The following CYTH2 variants were observed in gnomAD, a reference collection of about 807,000 sequenced individuals.
CYTH2 encodes the protein cytohesin 2.
In CYTH2, 24 loss-of-function variants were observed where a neutral mutation model predicts 55.4. The observed-to-expected ratio is 0.43, with a 90% CI of 0.31 to 0.61. The LOEUF (loss-of-function observed/expected upper bound fraction) is 0.61, where lower values mean the gene tolerates loss of function less well. Among genes scored for constraint, CYTH2 ranks in the 20% least tolerant of loss-of-function variants. CYTH2 has a pLI of 0.08. For missense variants in CYTH2, 378 were observed against 533.5 expected, an observed-to-expected ratio of 0.71 and a Z score of 2.87; for synonymous variants, 221 against 209.6, an observed-to-expected ratio of 1.05 and a Z score of -0.47.
At chr19:48,478,031 T>C (rs1971954313) in intron 8 of CYTH2, 38 bp from the exon 9 acceptor site, 2 of 1,566,694 alleles carry the variant, frequency 1.3e-6, no homozygotes, top group Middle Eastern at 3.4e-4. Context: ...CCTGTCCCCC[T>C]GTTGAGCCCA....
chr19:48,478,224 G>C, intron 9 of CYTH2, 51 bp from the exon 10 acceptor site: 1 of 1,612,608 alleles, frequency 6.2e-7, no homozygotes, highest in Non-Finnish European at 8.5e-7. Flanking sequence ...GAGGGAGGTG[G>C]GGTGGGGTGA....
At chr19:48,477,871 C>A (rs1294945648) in intron 8 of CYTH2, 198 bp from the exon 9 acceptor site, 7 of 567,882 alleles carry the variant, frequency 1.2e-5, no homozygotes, top group Non-Finnish European at 2.2e-5. Flanking sequence ...AATGTGGAGC[C>A]CCAAGCTGGG....
At position 48,481,491 on chromosome 19, in the gene CYTH2, G is replaced by GTT. The variant is rs35979886; in HGVS notation, c.*2291_*2292dup. 2,492 of 167,018 alleles carry GTT rather than the reference G, an allele frequency of 0.015. 6 individuals are homozygous for GTT. Among genetic ancestry groups the GTT allele is most frequent in the South Asian group, 0.035 (302 of 8,624 alleles). The allele number at this position is 167,018 out of a possible 1,614,324, so 10.3% of individuals were successfully genotyped here. A position where few individuals can be genotyped will look rare whatever the true frequency, so the allele number is the denominator to read the frequency against. ...AGCACGCTTCTGATTTTTTTTGTAGGTTTTTTTTTTTGTTTTTTGTTTTGT... is the reference window on the plus strand; with the variant it reads ...AGCACGCTTCTGATTTTTTTTGTAGGTTTTTTTTTTTTTGTTTTTTGTTTTGT... On this transcript the variant is annotated 3_prime_UTR_variant, in exon 12 of 12. Transcript: ENST00000452733.
chr19:48,469,388 G>T lies in CYTH2; in HGVS notation c.-120G>T. The T allele has an allele frequency of 8.6e-7, 1 of 1,162,308 alleles. No homozygotes were observed. The highest frequency in any genetic ancestry group is 2.8e-5 in the South Asian group (1 of 35,448). 72.0% of individuals were successfully genotyped at this position (1,162,308 alleles called of 1,614,324 possible). On this transcript the variant is annotated 5_prime_UTR_variant, in exon 1 of 12. Coordinates refer to ENST00000452733, the MANE Select transcript of CYTH2 (RefSeq NM_004228.7). ...CTTTTCAGCGCTGAGGACTGGCGCT[G>T]AGGAGGCGGCGGTGGCTCCCGGGGC...
rs1464208197 is a variant in CYTH2 at position 48,474,925 on chromosome 19, C to A, written c.784C>A (p.Arg262=). 1 of 1,614,190 alleles carries A rather than the reference C, an allele frequency of 6.2e-7. No homozygotes were observed. Among genetic ancestry groups the A allele is most frequent in the Admixed American group, 1.7e-5 (1 of 60,020 alleles). Residue 262 remains arginine, a synonymous_variant, in exon 8 of 12, where the codon CGG becomes AGG. Coordinates refer to ENST00000452733, the MANE Select transcript of CYTH2 (RefSeq NM_004228.7). The surrounding 1 kb of genome is among the most constrained non-coding windows in gnomAD (Gnocchi z 4.9). ...GACCCACACCTTCTTCAACCCGGAC[C>A]GGGAGGGCTGGCTCCTGAAGCTGGG... is the stretch of plus-strand genomic sequence containing the variant. ...DLTHTFFNPD[R]EGWLLKLGGR...
chr19:48,473,271 GTA>G (rs1187515184), intron 4 of CYTH2, 25 bp from the exon 5 acceptor site: 1 of 1,613,062 alleles, frequency 6.2e-7, no homozygotes, highest in South Asian at 1.1e-5. Context: ...TTTCCAAACT[GTA>G]TGTGTCTTTG....
At chr19:48,473,406 C>T (rs764409323) in intron 5 of CYTH2, 28 bp downstream of exon 5, 3 of 1,608,854 alleles carry the variant, frequency 1.9e-6, no homozygotes, top group Non-Finnish European at 2.6e-6. Flanking sequence ...GTTTGGAACG[C>T]CAGGAATGTA....
Position 48,478,360 on chromosome 19 carries a change from T to C in CYTH2, c.957+14T>C, listed in dbSNP as rs766897194. The C allele has an allele frequency of 1.9e-6, 3 of 1,614,016 alleles. No homozygotes were observed. Among genetic ancestry groups the C allele is most frequent in the Admixed American group, 1.7e-5 (1 of 60,004 alleles). ...CCCCGGAAACCGGTAAGACCCTCTC[T>C]GTACACCTTCCTGCCAGGGCGGGGC... On this transcript the variant is annotated intron_variant, in intron 10 of 11. Transcript: ENST00000452733.
At position 48,471,157 on chromosome 19, in the gene CYTH2, A is replaced by G. The variant is rs561973078; in HGVS notation, c.234+488A>G. Among the ~76,000 whole-genome samples the G allele has an allele frequency of 1.5e-4, 19 of 129,178 alleles. No homozygotes were observed. The South Asian group carries it at 3.9e-3, about 27-fold the overall frequency. 84.7% of individuals were successfully genotyped at this position (129,178 alleles called of 152,430 possible). A position where few individuals can be genotyped will look rare whatever the true frequency, so the allele number is the denominator to read the frequency against. ...CCAGGTGGAGGAAAGGCTTTTGTTC[A>G]CCTACTCTTTGTGTGTGTGTGTGAG... On this transcript the variant is annotated intron_variant, in intron 3 of 11. Transcript: ENST00000452733.
chr19:48,469,585 T>G (rs1971740133), intron 1 of CYTH2, 59 bp downstream of exon 1: 1 of 1,324,580 alleles, frequency 7.5e-7, no homozygotes, highest in South Asian at 2.2e-5. Context: ...TCCTGAACGT[T>G]CCGCCGCGAA....
chr19:48,472,229 T>G (rs1569088317), intron 3 of CYTH2, 96 bp from the exon 4 acceptor site: 1 of 1,069,070 alleles, frequency 9.4e-7, no homozygotes, highest in Non-Finnish European at 1.4e-6. Flanking sequence ...CCTGGTCTGT[T>G]GAGGGTGGGG....
At position 48,479,907 on chromosome 19, in the gene CYTH2, C is replaced by G. The variant is rs1275458664; in HGVS notation, c.*697C>G. The G allele has an allele frequency of 6.6e-6, 1 of 152,470 alleles. No individual in the cohort carries two copies. Among genetic ancestry groups the G allele is most frequent in the Non-Finnish European group, 1.5e-5 (1 of 68,392 alleles). The allele number at this position is 152,470 out of a possible 1,614,324, so 9.4% of individuals were successfully genotyped here. On this transcript the variant is annotated 3_prime_UTR_variant, in exon 12 of 12. Transcript: ENST00000452733. ...GGGATGTCCTGAAGGGCTGGGCAGC[C>G]TTAGATCGGGCTAAGAGGGCAGGAC...
rs867497774 is a variant in CYTH2, at chr19:48,478,773, A to G, written c.1112+181A>G. Among the ~76,000 whole-genome samples, 94 of 81,960 alleles carry G rather than the reference A, an allele frequency of 1.1e-3. 5 individuals carry two copies. Among genetic ancestry groups the G allele is most frequent in the African/African-American group, 4.4e-3 (61 of 13,936 alleles). 53.8% of individuals were successfully genotyped at this position (81,960 alleles called of 152,430 possible). On this transcript the variant is annotated intron_variant, in intron 11 of 11. Transcript: ENST00000452733. ...CTCCTGGGTCTGACGGAGGAGGGGC[A>G]GGGGCCTGGACACCTGGGTCTGACG... is the stretch of plus-strand genomic sequence containing the variant.
chr19:48,474,948 G>A lies in CYTH2; in HGVS notation c.807G>A (p.Leu269=), dbSNP rs1454288631. The part of the protein sequence containing the change: ...NPDREGWLLK[L]GGRVKTWKRR... ...ACCGGGAGGGCTGGCTCCTGAAGCT[G>A]GGTACGTGCCCTCCCGACCCCGCTG... The change falls in exon 8 of 12, where the codon CTG becomes CTA. Residue 269 remains leucine, a splice_region_variant and synonymous_variant. Transcript: ENST00000452733. This position sits in a 1 kb window ranked among gnomAD's most constrained non-coding sequence, Gnocchi z 4.9. 6.2e-7 allele frequency: 1 copy of A among 1,614,082 alleles called. No individual in the cohort carries two copies.
At position 48,475,805 on chromosome 19, in the gene CYTH2, C is replaced by A. The variant is rs148261703; in HGVS notation, c.808+856C>A. ...TCCTCGGGTGCTCCCAATGCATAGT[C>A]AAGGTTGAGAGCTACTGGCCTGGAG... On this transcript the variant is annotated intron_variant, in intron 8 of 11. Coordinates refer to ENST00000452733, the MANE Select transcript of CYTH2 (RefSeq NM_004228.7). The A allele has an allele frequency of 1.7e-3, 386 of 225,728 alleles. 3 individuals carry two copies. The highest frequency in any genetic ancestry group is 8.3e-3 in the African/African-American group (356 of 42,738). 14.0% of individuals were successfully genotyped at this position (225,728 alleles called of 1,614,324 possible).
rs1280383043 is a variant in CYTH2 at position 48,474,064 on chromosome 19, C to T, written c.547+47C>T. On this transcript the variant is annotated intron_variant, in intron 6 of 11. Transcript: ENST00000452733. The surrounding 1 kb of genome is among the most constrained non-coding windows in gnomAD (Gnocchi z 4.9). The stretch of plus-strand genomic sequence containing the variant: ...TCCTGGGAAAGAGGAGACTGGGGCC[C>T]AGACTCCTAGGTCTGAGGGAGGGAG... 6.4e-7 allele frequency: 1 copy of T among 1,567,174 alleles called. No homozygotes were observed. The highest frequency in any genetic ancestry group is 8.6e-7 in the Non-Finnish European group (1 of 1,156,886).
chr19:48,469,766 T>A, intron 1 of CYTH2: 1 of 478,878 alleles, frequency 2.1e-6, no homozygotes, highest in Admixed American at 4.3e-5. Flanking sequence ...CGGGATGGAG[T>A]GGTGGAGGCG....
At chr19:48,470,567 A>T in intron 2 of CYTH2, 36 bp from the exon 3 acceptor site, 1 of 1,614,030 alleles carries the variant, frequency 6.2e-7, no homozygotes, top group Non-Finnish European at 8.5e-7. Context: ...CCAGGCATTG[A>T]CCCTCCACCC....
rs1972008169 is a variant in CYTH2, at chr19:48,479,372, ATTAT to A, written c.*166_*169del. On this transcript the variant is annotated 3_prime_UTR_variant, in exon 12 of 12. Transcript: ENST00000452733. ...TAACACGCTGTTGGTAATCTTATTA[ATTAT>A]TTAACCACTTGGCCTGCTGACCCCC... is the stretch of plus-strand genomic sequence containing the variant. 3 of 681,126 alleles carry A rather than the reference ATTAT, an allele frequency of 4.4e-6. No homozygotes were observed. The highest frequency in any genetic ancestry group is 1.8e-5 in the African/African-American group (1 of 55,220). 42.2% of individuals were successfully genotyped at this position (681,126 alleles called of 1,614,324 possible). A position where few individuals can be genotyped will look rare whatever the true frequency, so the allele number is the denominator to read the frequency against.
Sources: allele counts gnomAD v4.1 joint callset (sites outside exome capture counted in the v4.1 genomes callset), GRCh38; gene constraint gnomAD v4.1.1; non-coding constraint Gnocchi (gnomAD v3.1); transcripts MANE v1.5; gene names NCBI Gene and HGNC (gene_info 2026-07-23, HGNC 2026-07-21).